The following ANAPC10 variants were observed in gnomAD, a reference collection of about 807,000 sequenced individuals.
The protein encoded by ANAPC10 is anaphase promoting complex subunit 10.
Under a neutral mutation model 22.0 loss-of-function variants are expected in ANAPC10, and 12 were observed. The observed-to-expected ratio is 0.55, with a 90% CI of 0.35 to 0.88. The LOEUF (loss-of-function observed/expected upper bound fraction) is 0.88, where lower values mean the gene tolerates loss of function less well. ANAPC10 is among the 40% of genes least tolerant of loss of function. The probability of loss-of-function intolerance (pLI) is 0.01; values close to 1 mark genes in which losing one functional copy is unlikely to be tolerated. For synonymous variants in ANAPC10, 65 were observed against 69.5 expected, an observed-to-expected ratio of 0.94 and a Z score of 0.32; for missense variants, 188 against 220.9, an observed-to-expected ratio of 0.85 and a Z score of 0.94.
chr4:145,002,744 C>T (rs982178791), intron 4 of ANAPC10, among the ~76,000 whole-genome samples: 2 of 151,936 alleles, frequency 1.3e-5, no homozygotes, highest in Admixed American at 6.6e-5. Flanking sequence ...AAAACTATTT[C>T]CAGATTAATC....
intron 4 of ANAPC10, among the ~76,000 whole-genome samples, chr4:145,026,240 T>C (rs541640403): frequency 1.3e-5 from 2 of 152,280 alleles, no homozygotes; most frequent in African/African-American, 4.8e-5. Context: ...ATGTCCTCAA[T>C]TTAACATTTA....
intron 4 of ANAPC10, among the ~76,000 whole-genome samples, chr4:145,059,879 C>T (rs553148647): frequency 6.6e-6 from 1 of 151,394 alleles, no homozygotes; most frequent in South Asian, 2.1e-4. Flanking sequence ...CATTATTTTT[C>T]CTTCTGAGAG....
intron 4 of ANAPC10, among the ~76,000 whole-genome samples, chr4:145,060,245 T>C (rs986400373): frequency 6.6e-6 from 1 of 152,084 alleles, no homozygotes; most frequent in African/African-American, 2.4e-5. Context: ...ATATTCTGTT[T>C]GGCCAAATCC....
chr4:145,009,363 C>A (rs1560816650), intron 4 of ANAPC10, among the ~76,000 whole-genome samples: 1 of 152,100 alleles, frequency 6.6e-6, no homozygotes, highest in Non-Finnish European at 1.5e-5. Flanking sequence ...AAAAAAGAGC[C>A]CACATTGCCA....
At chr4:145,070,867 G>A (rs1744390424) in intron 3 of ANAPC10, among the ~76,000 whole-genome samples, 1 of 152,152 alleles carries the variant, frequency 6.6e-6, no homozygotes, top group Non-Finnish European at 1.5e-5. Flanking sequence ...GAAAACATTA[G>A]GCTAAGTGAG....
chr4:145,091,352 T>C (rs1747652793), intron 2 of ANAPC10, among the ~76,000 whole-genome samples: 1 of 152,208 alleles, frequency 6.6e-6, no homozygotes. Flanking sequence ...GGAGTTCAAC[T>C]AGCACTGATT....
intron 4 of ANAPC10, among the ~76,000 whole-genome samples, chr4:145,032,867 A>G (rs567685127): frequency 2.0e-5 from 3 of 152,334 alleles, no homozygotes; most frequent in South Asian, 2.1e-4. Context: ...TGGAATAGAC[A>G]CTTACCAGAT....
intron 4 of ANAPC10, among the ~76,000 whole-genome samples, chr4:145,010,077 C>G: frequency 6.6e-6 from 1 of 152,160 alleles, no homozygotes; most frequent in Non-Finnish European, 1.5e-5. Flanking sequence ...AAAAAATGCT[C>G]ATCATCACTG....
At chr4:145,023,909 G>A (rs755175055) in intron 4 of ANAPC10, among the ~76,000 whole-genome samples, 1 of 152,130 alleles carries the variant, frequency 6.6e-6, no homozygotes, top group Non-Finnish European at 1.5e-5. Context: ...CTGTTTAGTA[G>A]TATTTTACTT....
intron 3 of ANAPC10, among the ~76,000 whole-genome samples, chr4:145,069,420 C>T (rs1457197458): frequency 6.6e-6 from 1 of 152,128 alleles, no homozygotes; most frequent in Non-Finnish European, 1.5e-5. Flanking sequence ...ATGCATACAG[C>T]AAAACTTCAC....
chr4:145,068,817 G>A lies in ANAPC10; in HGVS notation c.207-4125C>T, dbSNP rs536536024. ...ACCAGCTACTTGGGAGGCTGAGGCAGGAGAATCGCTTGAACCCAGGAGGTG... is the reference window on the plus strand; with the variant it reads ...ACCAGCTACTTGGGAGGCTGAGGCAAGAGAATCGCTTGAACCCAGGAGGTG... On this transcript the variant is annotated intron_variant, in intron 3 of 4. Coordinates refer to ENST00000507656, the MANE Select transcript of ANAPC10 (RefSeq NM_001256706.2). Among the ~76,000 whole-genome samples, 47 of 152,316 alleles carry A rather than the reference G, an allele frequency of 3.1e-4. No homozygotes were observed. The South Asian group carries it at 9.3e-3, about 30-fold the overall frequency.
intron 4 of ANAPC10, among the ~76,000 whole-genome samples, chr4:145,050,298 T>C (rs1413302453): frequency 6.6e-6 from 1 of 152,232 alleles, no homozygotes; most frequent in Non-Finnish European, 1.5e-5. Flanking sequence ...GAGCAGTAGG[T>C]CTTTACAGTG....
At chr4:145,022,551 G>A (rs185927661) in intron 4 of ANAPC10, among the ~76,000 whole-genome samples, 1 of 152,004 alleles carries the variant, frequency 6.6e-6, no homozygotes, top group East Asian at 1.9e-4. Flanking sequence ...TACAAACAGG[G>A]TGGTGCAATG....
intron 4 of ANAPC10, among the ~76,000 whole-genome samples, chr4:145,061,131 C>CT (rs1171643249): frequency 6.6e-6 from 1 of 151,898 alleles, no homozygotes; most frequent in African/African-American, 2.4e-5. Context: ...TCTCATGAGG[C>CT]TATGTGGTCA....
At chr4:145,029,804 C>A (rs553194858) in intron 4 of ANAPC10, among the ~76,000 whole-genome samples, 3 of 152,156 alleles carry the variant, frequency 2.0e-5, no homozygotes, top group African/African-American at 7.2e-5. Flanking sequence ...CACTTTAGAC[C>A]TACTCATCCC....
chr4:144,995,446 A>G lies in ANAPC10; in HGVS notation c.485T>C (p.Val162Ala). ...AAATTTACCAATGGAGCTCTCTTCT[A>G]CTGGTGTGTATATTTTAATTTGTCT... is the stretch of plus-strand genomic sequence containing the variant. ...HMRQIKIYTP[V>A]EESSIGKFPR... Residue 162 changes from valine (V) to alanine (A), a missense_variant, in exon 5 of 5, where the codon GTA becomes GCA. Transcript: ENST00000507656. The G allele has an allele frequency of 1.2e-6, 2 of 1,613,734 alleles. No individual in the cohort carries two copies. The highest frequency in any genetic ancestry group is 1.7e-6 in the Non-Finnish European group (2 of 1,179,766).
chr4:145,095,700 T>C (rs1487329135), intron 2 of ANAPC10, among the ~76,000 whole-genome samples: 1 of 152,220 alleles, frequency 6.6e-6, no homozygotes, highest in Non-Finnish European at 1.5e-5. Context: ...GAGACCACTT[T>C]CACAAAACTT....
intron 4 of ANAPC10, among the ~76,000 whole-genome samples, chr4:145,018,154 C>T (rs1204830829): frequency 2.7e-5 from 4 of 149,536 alleles, no homozygotes; most frequent in African/African-American, 9.8e-5. Context: ...AAATAAAGCA[C>T]AAATCTCACA....
At chr4:145,068,564 G>T (rs1465231693) in intron 3 of ANAPC10, among the ~76,000 whole-genome samples, 3 of 152,212 alleles carry the variant, frequency 2.0e-5, no homozygotes, top group African/African-American at 7.2e-5. Flanking sequence ...GTTTAAATCA[G>T]AAGCAAATAT....
Sources: allele counts gnomAD v4.1 joint callset (sites outside exome capture counted in the v4.1 genomes callset), GRCh38; gene constraint gnomAD v4.1.1; transcripts MANE v1.5; gene names NCBI Gene and HGNC (gene_info 2026-07-23, HGNC 2026-07-21).